SH3TC1: variants seen among roughly 807,000 people sequenced by gnomAD.
SH3TC1 encodes the protein SH3 domain and tetratricopeptide repeat-containing protein 1.
Under a neutral mutation model 117.3 loss-of-function variants are expected in SH3TC1, and 135 were observed. The ratio of observed to expected loss-of-function variants is 1.15; its 90% CI spans 1.00 to 1.33. The LOEUF is 1.33. SH3TC1 is among the 40% of genes most tolerant of loss of function. SH3TC1 has a pLI of 0.00. For synonymous variants in SH3TC1, 898 were observed against 816.9 expected (o/e 1.10, Z -1.69); for missense variants, 2,092 against 1,794.3 (o/e 1.17, Z -3.00).
Position 8,227,551 on chromosome 4 carries a change from G to A in SH3TC1, c.1857G>A (p.Lys619=), listed in dbSNP as rs756343783. ...SIYRKQKNRE[K]CAQVVPKAMA... is the part of the protein sequence containing the mutation. ...ACCGGAAGCAGAAGAACCGGGAGAA[G>A]TGTGCACAGGTGGTGCCCAAAGCCA... The change falls in exon 12 of 18, where the codon AAG becomes AAA. Residue 619 remains lysine (K), a synonymous_variant. Transcript: ENST00000245105. 6.6e-7 allele frequency: 1 copy of A among 1,524,452 alleles called. No homozygotes were observed. The highest frequency in any genetic ancestry group is 1.3e-5 in the South Asian group (1 of 75,776). The allele number at this position is 1,524,452 out of a possible 1,614,324, so 94.4% of individuals were successfully genotyped here.
At chr4:8,196,187 G>A (rs982728996), upstream of SH3TC1, among the ~76,000 whole-genome samples, 2 of 152,218 alleles carry the variant, frequency 1.3e-5, no homozygotes, top group South Asian at 2.1e-4. The surrounding 1 kb of genome is among the most constrained non-coding windows in gnomAD (Gnocchi z 4.6). Flanking sequence ...TAATCTTTAC[G>A]ATGACTCAGG....
chr4:8,237,156 C>T (rs895009731), intron 16 of SH3TC1: 9 of 320,194 alleles, frequency 2.8e-5, no homozygotes, highest in Non-Finnish European at 5.1e-5. Context: ...TTGCCTGGAG[C>T]CCTGGTGCCC....
chr4:8,216,089 T>C (rs1259778709), intron 5 of SH3TC1, 22 bp from the exon 6 acceptor site: 7 of 1,611,108 alleles, frequency 4.3e-6, no homozygotes, highest in East Asian at 2.2e-5. Context: ...AGCCCTCGGG[T>C]GACTGGGCCT....
At chr4:8,237,017 C>T (rs943351353) in intron 16 of SH3TC1, 2 of 170,272 alleles carry the variant, frequency 1.2e-5, no homozygotes, top group East Asian at 1.7e-4. Context: ...AAGGGGAGGA[C>T]ACCGGAGACA....
At chr4:8,215,501 G>T (rs918510690) in intron 5 of SH3TC1, among the ~76,000 whole-genome samples, 1 of 152,184 alleles carries the variant, frequency 6.6e-6, no homozygotes, top group African/African-American at 2.4e-5. Flanking sequence ...ATTGTGGGGG[G>T]ATGTCCATCC....
intron 17 of SH3TC1, among the ~76,000 whole-genome samples, chr4:8,239,305 A>ACACAGG (rs1489920532): frequency 2.3e-5 from 2 of 86,964 alleles, no homozygotes; most frequent in African/African-American, 8.1e-5. Flanking sequence ...ACATGAGCAC[A>ACACAGG]CACAGGCACA....
In SH3TC1 at chr4:8,227,870, G is replaced by C. The variant is rs774519834; in HGVS notation, c.2176G>C (p.Val726Leu). 19 of 1,612,718 alleles carry C rather than the reference G, an allele frequency of 1.2e-5. No individual in the cohort carries two copies. Among genetic ancestry groups the C allele is most frequent in the Non-Finnish European group, 1.6e-5 (19 of 1,179,996 alleles). Residue 726 changes from valine (V) to leucine (L), a missense_variant, in exon 12 of 18, where the codon GTG becomes CTG. By Grantham distance (32) the Val-to-Leu change is conservative. Transcript: ENST00000245105. ...IYSRKCLPHL[V>L]LSCVKVASLR... Reference sequence around the variant, plus strand: ...CAGCCGCAAGTGCCTGCCCCACCTGGTGCTGAGCTGTGTCAAGGTGGCCTC... The same window carrying C: ...CAGCCGCAAGTGCCTGCCCCACCTGCTGCTGAGCTGTGTCAAGGTGGCCTC...
rs1486271113 is a variant in SH3TC1, at chr4:8,210,916, C to G, written c.247+1094C>G. 6.6e-6 allele frequency among the ~76,000 whole-genome samples: 1 copy of G among 151,762 alleles called. No homozygotes were observed. The highest frequency in any genetic ancestry group is 1.5e-5 in the Non-Finnish European group (1 of 67,968). ...GGTGAGGGTGTTTGCTCAAGGGTCC[C>G]CTAGCAGAAAACTCTCAGGCAGGTG... On this transcript the variant is annotated intron_variant, in intron 3 of 17. Transcript: ENST00000245105. The surrounding 1 kb of genome is among the most constrained non-coding windows in gnomAD (Gnocchi z 4.1).
chr4:8,231,793 C>A (rs993158870), intron 12 of SH3TC1, 183 bp from the exon 13 acceptor site: 3 of 647,968 alleles, frequency 4.6e-6, no homozygotes, highest in Non-Finnish European at 7.8e-6. Flanking sequence ...AGAAGGCCGG[C>A]CTCTACCATG....
chr4:8,211,118 T>C (rs1182864798), intron 3 of SH3TC1, among the ~76,000 whole-genome samples: 3 of 79,338 alleles, frequency 3.8e-5, no homozygotes, highest in Admixed American at 1.5e-4. Flanking sequence ...CCCATTTTCT[T>C]CCCCCTCCTG....
intron 14 of SH3TC1, 94 bp from the exon 15 acceptor site, chr4:8,235,339 T>A (rs1377467375): frequency 1.5e-6 from 2 of 1,373,582 alleles, no homozygotes; most frequent in African/African-American, 1.5e-5. Flanking sequence ...CTGCAGTGTG[T>A]GAGAGGAAGG....
At chr4:8,232,957 C>A in intron 13 of SH3TC1, 1 of 1,192,840 alleles carries the variant, frequency 8.4e-7, no homozygotes, top group South Asian at 1.5e-5. Flanking sequence ...GAGCCAGAAG[C>A]TCTGGGGGCA....
intron 8 of SH3TC1, 106 bp from the exon 9 acceptor site, chr4:8,219,229 A>G: frequency 8.3e-7 from 1 of 1,201,662 alleles, no homozygotes; most frequent in East Asian, 2.6e-5. Context: ...CCTAGTAACC[A>G]AAAGATGAAT....
rs2152980038 is a variant in SH3TC1 at position 8,206,878 on chromosome 4, C to G, written c.172+1512C>G. 6.9e-6 allele frequency among the ~76,000 whole-genome samples: 1 copy of G among 145,842 alleles called. No homozygotes were observed. The highest frequency in any genetic ancestry group is 2.6e-5 in the African/African-American group (1 of 38,074). ...GTGTGTGTGTGTGTGTGATTTTCTT[C>G]TGATCCTTTTGGGAGTAAATTGCAG... On this transcript the variant is annotated intron_variant, in intron 2 of 17. Transcript: ENST00000245105. This position sits in a 1 kb window ranked among gnomAD's most constrained non-coding sequence, Gnocchi z 5.5.
chr4:8,239,183 C>A (rs1722089480), intron 17 of SH3TC1, among the ~76,000 whole-genome samples: 1 of 150,696 alleles, frequency 6.6e-6, no homozygotes, highest in Non-Finnish European at 1.5e-5. Flanking sequence ...GCTCAGCCTG[C>A]CACCCACTAG....
chr4:8,210,746 GAAAAAAAAAAAAAAA>G lies in SH3TC1; in HGVS notation c.247+938_247+952del, dbSNP rs56288444. On this transcript the variant is annotated intron_variant, in intron 3 of 17. Coordinates refer to ENST00000245105, the MANE Select transcript of SH3TC1 (RefSeq NM_018986.5). The surrounding 1 kb of genome is among the most constrained non-coding windows in gnomAD (Gnocchi z 4.1). ...TTGCACTCCAGCCTGGGCAACTTCT[GAAAAAAAAAAAAAAA>G]AAAAAAAAAAAAAGGCCGTCACAGC... Among the ~76,000 whole-genome samples, 1 of 39,796 alleles carries G rather than the reference GAAAAAAAAAAAAAAA, an allele frequency of 2.5e-5. No individual in the cohort carries two copies. Among genetic ancestry groups the G allele is most frequent in the African/African-American group, 9.8e-5 (1 of 10,206 alleles). The allele number at this position is 39,796 out of a possible 152,430, so 26.1% of individuals were successfully genotyped here.
chr4:8,233,241 C>G, intron 13 of SH3TC1, 122 bp from the exon 14 acceptor site: 1 of 1,456,960 alleles, frequency 6.9e-7, no homozygotes, highest in Non-Finnish European at 9.0e-7. Context: ...CAGGACACTG[C>G]ACACACAAGA....
At chr4:8,207,868 A>T (rs1388442830) in intron 2 of SH3TC1, among the ~76,000 whole-genome samples, 4 of 151,956 alleles carry the variant, frequency 2.6e-5, no homozygotes, top group Admixed American at 2.6e-4. Context: ...CAACTGGAGG[A>T]TGGTGTTTAG....
upstream of SH3TC1, among the ~76,000 whole-genome samples, chr4:8,196,181 C>A (rs1197739818): frequency 6.6e-6 from 1 of 152,228 alleles, no homozygotes; most frequent in Non-Finnish European, 1.5e-5. The surrounding 1 kb of genome is among the most constrained non-coding windows in gnomAD (Gnocchi z 4.6). Flanking sequence ...CTAATTTAAT[C>A]TTTACGATGA....
Sources: gnomAD v4.1 joint callset for allele counts (sites outside exome capture counted in the v4.1 genomes callset) on GRCh38, gnomAD v4.1.1 for gene constraint, Gnocchi (gnomAD v3.1) non-coding constraint, MANE v1.5 for transcripts, NCBI Gene and HGNC (gene_info 2026-07-23, HGNC 2026-07-21) for gene names.